CNGB1: variants seen among roughly 807,000 people sequenced by gnomAD.
CNGB1 encodes the protein cyclic nucleotide gated channel subunit beta 1.
Under a neutral mutation model 151.7 loss-of-function variants are expected in CNGB1, and 126 were observed. The ratio of observed to expected loss-of-function variants is 0.83; its 90% CI spans 0.72 to 0.96. The LOEUF (loss-of-function observed/expected upper bound fraction) is 0.96, where lower values mean the gene tolerates loss of function less well. Among genes scored for constraint, CNGB1 ranks in the 40% least tolerant of loss-of-function variants. The probability of loss-of-function intolerance (pLI) is 0.00; values close to 1 mark genes in which losing one functional copy is unlikely to be tolerated. For missense variants in CNGB1, 1,698 were observed against 1,627.0 expected (o/e 1.04, Z -0.75); for synonymous variants, 623 against 635.1 (o/e 0.98, Z 0.29).
intron 2 of CNGB1, 57 bp from the exon 3 acceptor site, chr16:57,964,601 AG>A (rs1445112008): frequency 6.8e-7 from 1 of 1,474,094 alleles, no homozygotes; most frequent in African/African-American, 1.4e-5. Context: ...TGGTTTGGAC[AG>A]GGGCAGCCTG....
rs60188757 is a variant in CNGB1 at position 57,885,576 on chromosome 16, CTCTTTCTT to C, written c.3463-1127_3463-1120del. ...TTCCTTCCTCTCTCTCTCTCTCTCT[CTCTTTCTT>C]TCTTTCTTTCTTTCTTTCTTTCTTT... On this transcript the variant is annotated intron_variant, in intron 32 of 32. Transcript: ENST00000251102. Among the ~76,000 whole-genome samples the C allele has an allele frequency of 6.9e-3, 861 of 124,278 alleles. 19 individuals carry two copies. The highest frequency in any genetic ancestry group is 0.019 in the Admixed American group (225 of 11,722). 81.5% of individuals were successfully genotyped at this position (124,278 alleles called of 152,430 possible). A position where few individuals can be genotyped will look rare whatever the true frequency, so the allele number is the denominator to read the frequency against.
chr16:57,949,133 T>G (rs152141), intron 14 of CNGB1, among the ~76,000 whole-genome samples: 120,426 of 148,946 alleles, frequency 0.81, 48,996 homozygotes, highest in South Asian at 0.86. Context: ...CTAGTGTGTG[T>G]GGGGGGGGAT....
chr16:57,896,134 G>A (rs1436362454), intron 31 of CNGB1, among the ~76,000 whole-genome samples: 2 of 152,156 alleles, frequency 1.3e-5, no homozygotes, highest in Non-Finnish European at 1.5e-5. Flanking sequence ...AAAGCAGTGG[G>A]TAAAAGTTTG....
At chr16:57,936,162 C>A (rs1218315954) in intron 16 of CNGB1, among the ~76,000 whole-genome samples, 1 of 152,140 alleles carries the variant, frequency 6.6e-6, no homozygotes, top group African/African-American at 2.4e-5. Flanking sequence ...GCCCAAAGGC[C>A]ACTACGGGGA....
chr16:57,897,665 C>T, intron 30 of CNGB1, 122 bp from the exon 31 acceptor site: 1 of 1,548,418 alleles, frequency 6.5e-7, no homozygotes, highest in Non-Finnish European at 8.9e-7. Flanking sequence ...CTTCCCCCGC[C>T]CCCATCCCCG....
At chr16:57,957,275 C>T (rs1182924845) in intron 12 of CNGB1, 66 bp downstream of exon 12, 1 of 1,502,974 alleles carries the variant, frequency 6.7e-7, no homozygotes, top group East Asian at 2.3e-5. Flanking sequence ...CACATACAGT[C>T]AGACCCAAGG....
intron 19 of CNGB1, 74 bp from the exon 20 acceptor site, chr16:57,919,328 A>G: frequency 6.2e-7 from 1 of 1,611,336 alleles, no homozygotes; most frequent in Non-Finnish European, 8.5e-7. Flanking sequence ...AAGGGTCCCA[A>G]CTGCAGACCT....
In CNGB1 at chr16:57,931,710, G is replaced by C; in HGVS notation, c.1535+6C>G. The C allele has an allele frequency of 6.2e-7, 1 of 1,614,004 alleles. No individual in the cohort carries two copies. Among genetic ancestry groups the C allele is most frequent in the African/African-American group, 1.3e-5 (1 of 75,026 alleles). ...AGAAAAGCCCAAGAGAAGCATAAAA[G>C]GTAACCTGTGTGTCCCCGAGGCTGA... On this transcript the variant is annotated splice_donor_region_variant and intron_variant, in intron 17 of 32. Transcript: ENST00000251102.
At chr16:57,903,006 A>C (rs1254693481) in intron 27 of CNGB1, among the ~76,000 whole-genome samples, 4 of 152,106 alleles carry the variant, frequency 2.6e-5, no homozygotes, top group African/African-American at 9.7e-5. Context: ...TCGAGGGATA[A>C]ACTCAGGACC....
chr16:57,917,462 G>T lies in CNGB1; in HGVS notation c.1972C>A (p.Leu658Ile). Residue 658 changes from leucine to isoleucine, a missense_variant, in exon 21 of 33, where the codon CTA (leucine) becomes ATA (isoleucine). Physicochemically the swap from Leu to Ile is conservative, Grantham distance 5 (BLOSUM62 2). Coordinates refer to ENST00000251102, the MANE Select transcript of CNGB1 (RefSeq NM_001297.5). ...GCCATCACCACGAAGAACAGCCATA[G>T]GACATACATCAGGTCTGTGGGGAAG... ...IDPLTNLMYV[L>I]WLFFVVMAWN... 1 of 1,614,110 alleles carries T rather than the reference G, an allele frequency of 6.2e-7. No individual in the cohort carries two copies. Among genetic ancestry groups the T allele is most frequent in the Non-Finnish European group, 8.5e-7 (1 of 1,180,030 alleles).
At chr16:57,894,555 C>G (rs1305372738) in intron 31 of CNGB1, among the ~76,000 whole-genome samples, 1 of 152,138 alleles carries the variant, frequency 6.6e-6, no homozygotes, top group African/African-American at 2.4e-5. Context: ...GAGCCAAGAC[C>G]TAACCACTGC....
At chr16:57,954,432 T>C (rs747404073) in intron 12 of CNGB1, among the ~76,000 whole-genome samples, 3 of 152,162 alleles carry the variant, frequency 2.0e-5, no homozygotes, top group Non-Finnish European at 2.9e-5. Context: ...GATTTTTCCA[T>C]GTAAAGCTAC....
At chr16:57,885,049 C>T (rs1305373597) in intron 32 of CNGB1, among the ~76,000 whole-genome samples, 1 of 152,194 alleles carries the variant, frequency 6.6e-6, no homozygotes, top group African/African-American at 2.4e-5. Context: ...TACCTCCAGC[C>T]TCCAGCCTGT....
At chr16:57,944,494 G>A (rs1313190335) in intron 14 of CNGB1, among the ~76,000 whole-genome samples, 1 of 152,106 alleles carries the variant, frequency 6.6e-6, no homozygotes, top group African/African-American at 2.4e-5. Context: ...TAATAGCAAT[G>A]TATTTGTAAA....
rs1176300897 is a variant in CNGB1, at chr16:57,884,272, G to C, written c.3648C>G (p.Ala1216=). ...TCCTCACCGAGTGCTCTTCGGGCTC[G>C]GCCGGCCCCTCCTCCTCTCCCTCCG... The part of the protein sequence containing the change: ...GRPEGEEEGP[A]EPEEHSVRIC... The change falls in exon 33 of 33, where the codon GCC becomes GCG. Residue 1216 remains alanine, a synonymous_variant. Transcript: ENST00000251102. 6.2e-7 allele frequency: 1 copy of C among 1,613,546 alleles called. No individual in the cohort carries two copies. Among genetic ancestry groups the C allele is most frequent in the African/African-American group, 1.3e-5 (1 of 74,888 alleles).
chr16:57,907,615 T>C (rs1960590743), intron 25 of CNGB1, among the ~76,000 whole-genome samples: 1 of 152,170 alleles, frequency 6.6e-6, no homozygotes, highest in African/African-American at 2.4e-5. Flanking sequence ...TCAGAAAGGG[T>C]AAGCTCACAG....
In CNGB1 at chr16:57,913,012, C is replaced by T. The variant is rs774401723; in HGVS notation, c.2305-18G>A. ...GCCATGTACTGGAGGGAGAGGAGGG[C>T]GTGAGAGCAGCCCACCGGCCATAGG... On this transcript the variant is annotated intron_variant, in intron 23 of 32. Transcript: ENST00000251102. The T allele has an allele frequency of 5.6e-6, 9 of 1,613,226 alleles. No homozygotes were observed. In the African/African-American group the frequency reaches 6.7e-5, roughly 12 times the overall value.
In CNGB1 at chr16:57,927,522, T is replaced by C. The variant is rs146954739; in HGVS notation, c.1536-4142A>G. Among the ~76,000 whole-genome samples the C allele has an allele frequency of 2.1e-3, 321 of 152,348 alleles. 2 individuals carry two copies. The highest frequency in any genetic ancestry group is 6.3e-3 in the African/African-American group (261 of 41,584). ...TGTTCATTGTCTATCTTGGCCCCTC[T>C]AGAATGTCAGCCTCATGAGGGCAGG... On this transcript the variant is annotated intron_variant, in intron 17 of 32. Transcript: ENST00000251102.
At chr16:57,937,311 C>G (rs1961539327) in intron 16 of CNGB1, 1 of 152,446 alleles carries the variant, frequency 6.6e-6, no homozygotes, top group Non-Finnish European at 1.5e-5. Context: ...CATGGTGTAG[C>G]CATGGTGCTG....
Sources: allele counts gnomAD v4.1 joint callset (sites outside exome capture counted in the v4.1 genomes callset), GRCh38; gene constraint gnomAD v4.1.1; transcripts MANE v1.5; gene names NCBI Gene and HGNC (gene_info 2026-07-23, HGNC 2026-07-21).